The following BRD4 variants were observed in gnomAD, a reference collection of about 807,000 sequenced individuals.
BRD4 encodes the protein bromodomain-containing protein 4.
BRD4 carries 16 observed loss-of-function variants against 142.1 expected under a neutral mutation model. The observed-to-expected ratio is 0.11, with a 90% confidence interval of 0.08 to 0.17. BRD4 has a LOEUF of 0.17. Among genes scored for constraint, BRD4 ranks in the 10% least tolerant of loss-of-function variants. The pLI is 1.00. For synonymous variants in BRD4, 833 were observed against 707.5 expected, an observed-to-expected ratio of 1.18 and a Z score of -2.82; for missense variants, 1,424 against 1,810.9, an observed-to-expected ratio of 0.79 and a Z score of 3.88.
rs191500263 is a variant in BRD4, at chr19:15,291,356, A to C, written c.-34-18223T>G. 5.1e-4 allele frequency among the ~76,000 whole-genome samples: 77 copies of C among 152,312 alleles called. 1 individual carries two copies. Among genetic ancestry groups the C allele is most frequent in the Admixed American group, 4.7e-3 (72 of 15,294 alleles). On this transcript the variant is annotated intron_variant, in intron 1 of 19. Transcript: ENST00000679869. ...GGGAGACTGTGGGCTCAGGAGATTC[A>C]ACACAAAGACATCTGCCCTTGTGGG...
intron 1 of BRD4, among the ~76,000 whole-genome samples, chr19:15,324,007 T>C (rs2048086996): frequency 6.6e-6 from 1 of 152,234 alleles, no homozygotes; most frequent in South Asian, 2.1e-4. Context: ...CTGAGGCTTA[T>C]GGAGACGATG....
chr19:15,311,795 T>TC (rs1252628119), intron 1 of BRD4, among the ~76,000 whole-genome samples: 1 of 151,642 alleles, frequency 6.6e-6, no homozygotes, highest in Non-Finnish European at 1.5e-5. Flanking sequence ...AGAATGAAAC[T>TC]CCATCTCAAA....
At position 15,244,522 on chromosome 19, in the gene BRD4, G is replaced by C. The variant is rs2047267764; in HGVS notation, c.2290C>G (p.Pro764Ala). Residue 764 changes from proline to alanine, a missense_variant, in exon 13 of 20, where the codon CCC becomes GCC. Transcript: ENST00000679869. ...PQQPPPPPQQ[P>A]PPPPPPQQQQ... The stretch of plus-strand genomic sequence containing the variant: ...TGCTGCGGAGGTGGAGGCGGTGGGG[G>C]CTGCTGGGGAGGCGGGGGCGGCTGC... The C allele has an allele frequency of 1.3e-6, 2 of 1,552,476 alleles. No homozygotes were observed. Among genetic ancestry groups the C allele is most frequent in the Middle Eastern group, 2.2e-4 (1 of 4,474 alleles).
At chr19:15,254,802 G>A (rs906990384) in intron 10 of BRD4, among the ~76,000 whole-genome samples, 9 of 152,134 alleles carry the variant, frequency 5.9e-5, no homozygotes, top group African/African-American at 2.2e-4. Flanking sequence ...CCCTGACACC[G>A]ATCCTCAGAG....
intron 1 of BRD4, among the ~76,000 whole-genome samples, chr19:15,321,727 C>G (rs747328499): frequency 2.6e-5 from 4 of 152,174 alleles, no homozygotes; most frequent in Non-Finnish European, 4.4e-5. Flanking sequence ...TCACAGTCAT[C>G]TGAATAAAGT....
chr19:15,299,645 T>C (rs987710477), intron 1 of BRD4, among the ~76,000 whole-genome samples: 33 of 152,210 alleles, frequency 2.2e-4, no homozygotes, highest in African/African-American at 7.2e-4. Context: ...CAGGGACACA[T>C]TTACAGGGAC....
intron 1 of BRD4, among the ~76,000 whole-genome samples, chr19:15,313,386 A>AG (rs2047990187): frequency 6.7e-6 from 1 of 149,722 alleles, no homozygotes; most frequent in Non-Finnish European, 1.5e-5. Context: ...AAAAAAAAAA[A>AG]AAAAAAGGCC....
At position 15,243,353 on chromosome 19, in the gene BRD4, C is replaced by T. The variant is rs2145511837; in HGVS notation, c.2716G>A (p.Ala906Thr). 1 of 1,424,802 alleles carries T rather than the reference C, an allele frequency of 7.0e-7. No individual in the cohort carries two copies. The highest frequency in any genetic ancestry group is 9.2e-7 in the Non-Finnish European group (1 of 1,088,652). The allele number at this position is 1,424,802 out of a possible 1,614,324, so 88.3% of individuals were successfully genotyped here. The change falls in exon 14 of 20, where the codon GCC becomes ACC. Residue 906 changes from alanine to threonine, a missense_variant. Transcript: ENST00000679869. Reference protein sequence around the residue: ...QTPLLPQPPMAQPPQVLLEDE... With the variant: ...QTPLLPQPPMTQPPQVLLEDE... The stretch of plus-strand genomic sequence containing the variant: ...TCCAGCAGCACTTGGGGGGGTTGGG[C>T]CATGGGGGGCTGTGGGAGCAGGGGT...
At chr19:15,275,193 A>C (rs997210782) in intron 1 of BRD4, among the ~76,000 whole-genome samples, 1 of 152,196 alleles carries the variant, frequency 6.6e-6, no homozygotes, top group African/African-American at 2.4e-5. Flanking sequence ...GAGGAAAAAA[A>C]CAGTTTTCTA....
At chr19:15,255,951 A>T in intron 9 of BRD4, 113 bp downstream of exon 9, 1 of 1,388,420 alleles carries the variant, frequency 7.2e-7, no homozygotes, top group Non-Finnish European at 9.9e-7. Context: ...CCACGGCTGC[A>T]GAGGGGCAGC....
chr19:15,325,270 C>T (rs1324129756), intron 1 of BRD4, among the ~76,000 whole-genome samples: 1 of 152,170 alleles, frequency 6.6e-6, no homozygotes, highest in Admixed American at 6.6e-5. Flanking sequence ...GGATTCTAAC[C>T]GAGGCCTGAA....
chr19:15,256,661 G>A (rs1034745088), intron 8 of BRD4, among the ~76,000 whole-genome samples: 3 of 152,170 alleles, frequency 2.0e-5, no homozygotes, highest in Non-Finnish European at 2.9e-5. Flanking sequence ...AGCCCCAGGA[G>A]AGACGAACAT....
chr19:15,324,800 A>G (rs1203540862), intron 1 of BRD4, among the ~76,000 whole-genome samples: 2 of 152,228 alleles, frequency 1.3e-5, no homozygotes, highest in Non-Finnish European at 2.9e-5. Context: ...CAAACTCTGC[A>G]GCAAACATCC....
chr19:15,263,686 G>A, intron 6 of BRD4, 138 bp from the exon 7 acceptor site: 1 of 1,100,862 alleles, frequency 9.1e-7, no homozygotes. Context: ...CTAGTGGGGG[G>A]ACAGGCCATC....
At chr19:15,310,611 G>A (rs993890329) in intron 1 of BRD4, among the ~76,000 whole-genome samples, 1 of 151,650 alleles carries the variant, frequency 6.6e-6, no homozygotes, top group African/African-American at 2.4e-5. Flanking sequence ...CGCCCGCCTC[G>A]GCCTCCCAAA....
chr19:15,298,741 T>C (rs1228382302), intron 1 of BRD4, among the ~76,000 whole-genome samples: 3 of 150,668 alleles, frequency 2.0e-5, no homozygotes, highest in East Asian at 2.0e-4. Flanking sequence ...CCTAACACTT[T>C]GAACTAAGCC....
chr19:15,267,210 A>G (rs2047543014), intron 4 of BRD4, among the ~76,000 whole-genome samples: 2 of 152,152 alleles, frequency 1.3e-5, no homozygotes. Flanking sequence ...GGCAGGGCCC[A>G]ATTATTTCTG....
intron 1 of BRD4, among the ~76,000 whole-genome samples, chr19:15,296,125 A>G (rs1031405157): frequency 6.6e-6 from 1 of 152,024 alleles, no homozygotes; most frequent in African/African-American, 2.4e-5. Flanking sequence ...GTGGTGGCGC[A>G]CGCCTGTAGT....
At chr19:15,263,619 C>T (rs528796303) in intron 6 of BRD4, 71 bp from the exon 7 acceptor site, 178 of 1,588,232 alleles carry the variant, frequency 1.1e-4, no homozygotes, top group Middle Eastern at 6.7e-4. Flanking sequence ...TGGCAGCAGA[C>T]GAAAGGGATG....
Sources: allele counts gnomAD v4.1 joint callset (sites outside exome capture counted in the v4.1 genomes callset), GRCh38; gene constraint gnomAD v4.1.1; transcripts MANE v1.5; gene names NCBI Gene and HGNC (gene_info 2026-07-23, HGNC 2026-07-21).